Variants in AGAP1 observed in about 807,000 individuals in gnomAD.
The protein encoded by AGAP1 is arf-GAP with GTPase, ANK repeat and PH domain-containing protein 1.
A neutral mutation model predicts 105.3 loss-of-function variants in AGAP1; 29 were observed. The ratio of observed to expected loss-of-function variants is 0.28; its 90% CI spans 0.21 to 0.38. The LOEUF is 0.38. Among genes scored for constraint, AGAP1 ranks in the 10% least tolerant of loss-of-function variants. The pLI is 1.00. For synonymous variants in AGAP1, 509 were observed against 485.9 expected, an observed-to-expected ratio of 1.05 and a Z score of -0.63; for missense variants, 998 against 1,165.1, an observed-to-expected ratio of 0.86 and a Z score of 2.09.
intron 9 of AGAP1, among the ~76,000 whole-genome samples, chr2:235,829,163 G>A (rs1041579838): frequency 5.9e-5 from 9 of 152,254 alleles, no homozygotes; most frequent in Non-Finnish European, 8.8e-5. Context: ...ATGAGGCAGC[G>A]CCTGGCTGAC....
chr2:235,636,170 A>G (rs75567084), intron 1 of AGAP1, among the ~76,000 whole-genome samples: 5,475 of 150,874 alleles, frequency 0.036, 273 homozygotes, highest in African/African-American at 0.11. Flanking sequence ...CATCTTATGG[A>G]GCAAAAGATT....
intron 1 of AGAP1, among the ~76,000 whole-genome samples, chr2:235,587,354 G>T (rs1945147337): frequency 6.6e-6 from 1 of 152,186 alleles, no homozygotes; most frequent in Non-Finnish European, 1.5e-5. Context: ...CATCCTCCTT[G>T]TAGTAACCAT....
chr2:235,802,542 A>C (rs1229905518), intron 8 of AGAP1, among the ~76,000 whole-genome samples: 6 of 152,238 alleles, frequency 3.9e-5, no homozygotes, highest in Admixed American at 2.6e-4. Context: ...ATAGGTTTGC[A>C]TTGTGGCATT....
intron 16 of AGAP1, among the ~76,000 whole-genome samples, chr2:236,063,362 A>T (rs2058259686): frequency 6.6e-6 from 1 of 152,160 alleles, no homozygotes; most frequent in South Asian, 2.1e-4. Context: ...AAGTGCTGGG[A>T]TTACAGGCAT....
At chr2:235,969,529 T>C (rs1392966341) in intron 13 of AGAP1, among the ~76,000 whole-genome samples, 1 of 152,176 alleles carries the variant, frequency 6.6e-6, no homozygotes, top group Non-Finnish European at 1.5e-5. Context: ...GGGGCAACAT[T>C]TATGGCTTCC....
rs2054986073 is a variant in AGAP1, at chr2:235,979,153, T to G, written c.1645+10530T>G. 6.6e-6 allele frequency among the ~76,000 whole-genome samples: 1 copy of G among 151,782 alleles called. No individual in the cohort carries two copies. The highest frequency in any genetic ancestry group is 1.9e-4 in the East Asian group (1 of 5,176). On this transcript the variant is annotated intron_variant, in intron 13 of 17. Coordinates refer to ENST00000304032, the MANE Select transcript of AGAP1 (RefSeq NM_001037131.3). This position sits in a 1 kb window ranked among gnomAD's most constrained non-coding sequence, Gnocchi z 4.5. ...TGTTGTTGTTTTTGTTTTTTTTTTT[T>G]TGGGATATGATCTCACTGTGTTGTC...
At chr2:236,033,353 A>T (rs745685072) in intron 13 of AGAP1, among the ~76,000 whole-genome samples, 2 of 152,228 alleles carry the variant, frequency 1.3e-5, no homozygotes, top group African/African-American at 4.8e-5. Context: ...GAACACTTAC[A>T]TGTATTTGTT....
chr2:235,940,873 A>G (rs2053228106), intron 12 of AGAP1, among the ~76,000 whole-genome samples: 1 of 152,118 alleles, frequency 6.6e-6, no homozygotes, highest in Non-Finnish European at 1.5e-5. Context: ...CCATCATCAC[A>G]ATGTCATTGC....
intron 12 of AGAP1, among the ~76,000 whole-genome samples, chr2:235,950,862 A>AAATGTAAC (rs1487981758): frequency 1.3e-5 from 2 of 149,540 alleles, no homozygotes; most frequent in East Asian, 3.9e-4. Context: ...AACTCACAGC[A>AAATGTAAC]AATGTAACTC....
chr2:235,791,575 T>TCTTTGGCCAGACTGGAGTACAGTGG (rs1281649676), intron 6 of AGAP1, among the ~76,000 whole-genome samples: 1 of 152,054 alleles, frequency 6.6e-6, no homozygotes, highest in Admixed American at 6.5e-5. Context: ...GGATTCTTGC[T>TCTTTGGCCAGACTGGAGTACAGTGG]CTTTGGCCAG....
intron 9 of AGAP1, among the ~76,000 whole-genome samples, chr2:235,821,113 G>T (rs1210351816): frequency 2.6e-5 from 4 of 152,176 alleles, no homozygotes; most frequent in Non-Finnish European, 5.9e-5. Flanking sequence ...AAAACAGTGT[G>T]TATAGCAGTT....
At position 235,763,035 on chromosome 2, in the gene AGAP1, G is replaced by GGTGTGTGTGTGTGTGTGTGTGT. The variant is rs145122803; in HGVS notation, c.673+12563_673+12564insGTGTGTGTGTGTGTGTGTGTGT. 4.1e-4 allele frequency among the ~76,000 whole-genome samples: 58 copies of GGTGTGTGTGTGTGTGTGTGTGT among 140,066 alleles called. 1 individual carries two copies. The highest frequency in any genetic ancestry group is 1.4e-3 in the African/African-American group (55 of 38,778). 91.9% of individuals were successfully genotyped at this position (140,066 alleles called of 152,430 possible). Reference sequence around the variant, plus strand: ...CGGGGGCAATGATTGTTAAGGCTCGGGTGTGTGTGTGTGTGTATGTGTGCG... The same window carrying GGTGTGTGTGTGTGTGTGTGTGT: ...CGGGGGCAATGATTGTTAAGGCTCGGGTGTGTGTGTGTGTGTGTGTGTGTGTGTGTGTGTGTGTATGTGTGCG... On this transcript the variant is annotated intron_variant, in intron 6 of 17. Coordinates refer to ENST00000304032, the MANE Select transcript of AGAP1 (RefSeq NM_001037131.3).
Position 236,087,723 on chromosome 2 carries a change from G to A in AGAP1, c.2115-32469G>A, listed in dbSNP as rs747471939. On this transcript the variant is annotated intron_variant, in intron 16 of 17. Transcript: ENST00000304032. This position sits in a 1 kb window ranked among gnomAD's most constrained non-coding sequence, Gnocchi z 5.7. ...TGGCCTTATTGGTTAAGTGACAACC[G>A]GGGACATACCCATTTTCTTTGTCCA... Among the ~76,000 whole-genome samples the A allele has an allele frequency of 3.4e-4, 52 of 152,286 alleles. No homozygotes were observed. Among genetic ancestry groups the A allele is most frequent in the Middle Eastern group, 3.4e-3 (1 of 294 alleles).
chr2:236,033,210 A>C (rs1003777630), intron 13 of AGAP1, among the ~76,000 whole-genome samples: 32 of 152,142 alleles, frequency 2.1e-4, no homozygotes, highest in Non-Finnish European at 2.9e-5. Flanking sequence ...ATGCCATTGC[A>C]CTCCAGCCTG....
At position 235,839,129 on chromosome 2, in the gene AGAP1, C is replaced by A. The variant is rs533481208; in HGVS notation, c.1050+31798C>A. On this transcript the variant is annotated intron_variant, in intron 9 of 17. Coordinates refer to ENST00000304032, the MANE Select transcript of AGAP1 (RefSeq NM_001037131.3). ...CCCATGCCACTGCTCTCCCCAGGGG[C>A]CTGAGTCTGCATTTACTGTGAAGCA... is the stretch of plus-strand genomic sequence containing the variant. Among the ~76,000 whole-genome samples, 3 of 152,292 alleles carry A rather than the reference C, an allele frequency of 2.0e-5. No homozygotes were observed. In the South Asian group the frequency reaches 6.2e-4, roughly 32 times the overall value.
chr2:235,929,328 G>A (rs191659272), intron 11 of AGAP1, among the ~76,000 whole-genome samples: 19 of 152,182 alleles, frequency 1.2e-4, no homozygotes, highest in Admixed American at 1.2e-3. Context: ...ATGCCTCTTG[G>A]CGATGCTGCT....
chr2:235,539,076 G>C (rs960159676), intron 1 of AGAP1, among the ~76,000 whole-genome samples: 4 of 152,180 alleles, frequency 2.6e-5, no homozygotes, highest in Non-Finnish European at 4.4e-5. Context: ...GTGAGAAAGA[G>C]AACCCGTGCC....
intron 13 of AGAP1, among the ~76,000 whole-genome samples, chr2:235,984,091 C>G (rs968184319): frequency 1.2e-4 from 19 of 152,314 alleles, no homozygotes; most frequent in African/African-American, 4.3e-4. Context: ...CCCCTGTGAC[C>G]TCCAGCCTGC....
At chr2:235,848,160 A>G (rs576320015) in intron 9 of AGAP1, among the ~76,000 whole-genome samples, 16 of 152,120 alleles carry the variant, frequency 1.1e-4, no homozygotes, top group Non-Finnish European at 2.2e-4. Context: ...TGGCTCATAC[A>G]GCCGTCCCCA....
Sources: allele counts gnomAD v4.1 joint callset (sites outside exome capture counted in the v4.1 genomes callset), GRCh38; gene constraint gnomAD v4.1.1; non-coding constraint Gnocchi (gnomAD v3.1); transcripts MANE v1.5; gene names NCBI Gene and HGNC (gene_info 2026-07-23, HGNC 2026-07-21).